DLGAP2: variants seen among roughly 807,000 people sequenced by gnomAD.
The protein encoded by DLGAP2 is disks large-associated protein 2.
In DLGAP2, 26 loss-of-function variants were observed where a neutral mutation model predicts 100.3. That is an observed-to-expected ratio of 0.26 (90% CI 0.19 to 0.36). The LOEUF is 0.36. Among genes scored for constraint, DLGAP2 ranks in the 10% least tolerant of loss-of-function variants. The pLI, the probability that DLGAP2 is intolerant of heterozygous loss-of-function variation, is 1.00. For synonymous variants in DLGAP2, 886 were observed against 630.1 expected (o/e 1.41, Z -6.08); for missense variants, 1,858 against 1,453.2 (o/e 1.28, Z -4.53).
chr8:1,268,700 G>C (rs1426242595), intron 3 of DLGAP2, among the ~76,000 whole-genome samples: 2 of 152,170 alleles, frequency 1.3e-5, no homozygotes, highest in African/African-American at 4.8e-5. Context: ...AGAGTTACAT[G>C]TCTCTGCAGA....
intron 2 of DLGAP2, among the ~76,000 whole-genome samples, chr8:949,180 C>G (rs902211648): frequency 5.3e-5 from 8 of 152,152 alleles, no homozygotes; most frequent in Non-Finnish European, 1.5e-5. Context: ...ACGTGTGGTT[C>G]CTGGAGTAGA....
chr8:1,361,015 G>C (rs113541149), intron 3 of DLGAP2, among the ~76,000 whole-genome samples: 1 of 152,240 alleles, frequency 6.6e-6, no homozygotes, highest in African/African-American at 2.4e-5. Flanking sequence ...TTCATCCTGA[G>C]AAGGGGAAGG....
intron 3 of DLGAP2, among the ~76,000 whole-genome samples, chr8:1,328,783 G>T (rs1801081563): frequency 6.6e-6 from 1 of 152,230 alleles, no homozygotes; most frequent in South Asian, 2.1e-4. Context: ...GGAAATGTCG[G>T]GATGCCGCTT....
chr8:1,419,209 T>A (rs752459697), intron 3 of DLGAP2, among the ~76,000 whole-genome samples: 1 of 23,576 alleles, frequency 4.2e-5, no homozygotes, highest in Non-Finnish European at 2.3e-4. Flanking sequence ...TGCGTGCGTG[T>A]GTGTGTGTGT....
intron 2 of DLGAP2, among the ~76,000 whole-genome samples, chr8:1,179,601 C>A (rs1432176104): frequency 6.6e-6 from 1 of 152,222 alleles, no homozygotes; most frequent in Non-Finnish European, 1.5e-5. Context: ...ATTAACTCTC[C>A]AAGTTGCCTT....
At chr8:1,404,058 C>A (rs1585337883) in intron 3 of DLGAP2, among the ~76,000 whole-genome samples, 1 of 20,680 alleles carries the variant, frequency 4.8e-5, no homozygotes, top group Admixed American at 3.7e-4. Flanking sequence ...TCCTCATCCT[C>A]CTGAGTCGTG....
intron 6 of DLGAP2, among the ~76,000 whole-genome samples, chr8:1,606,034 A>C (rs1432111200): frequency 6.6e-6 from 1 of 152,236 alleles, no homozygotes; most frequent in African/African-American, 2.4e-5. Flanking sequence ...TCAGAGGCGA[A>C]GAATGAAAGT....
At chr8:1,610,404 T>C (rs1796956951) in intron 6 of DLGAP2, among the ~76,000 whole-genome samples, 1 of 149,806 alleles carries the variant, frequency 6.7e-6, no homozygotes, top group Non-Finnish European at 1.5e-5. Context: ...TAGAGGGAAA[T>C]TTATAGCACT....
intron 3 of DLGAP2, among the ~76,000 whole-genome samples, chr8:1,378,529 G>A (rs1774135722): frequency 1.3e-5 from 2 of 151,258 alleles, no homozygotes; most frequent in African/African-American, 4.9e-5. Flanking sequence ...GACCTCACCT[G>A]TCCCTGACAC....
intron 6 of DLGAP2, among the ~76,000 whole-genome samples, chr8:1,592,999 A>ATTTATTT (rs1321341397): frequency 6.0e-4 from 91 of 152,292 alleles, no homozygotes; most frequent in African/African-American, 2.0e-3. Flanking sequence ...GAAGTACTCA[A>ATTTATTT]ATTATTTATT....
chr8:1,070,939 C>G (rs1169160542), intron 2 of DLGAP2, among the ~76,000 whole-genome samples: 1 of 152,214 alleles, frequency 6.6e-6, no homozygotes, highest in African/African-American at 2.4e-5. Flanking sequence ...GGGGAAGCCC[C>G]TGGAAGACTC....
chr8:904,750 C>T (rs556982688), intron 1 of DLGAP2, among the ~76,000 whole-genome samples: 2 of 152,330 alleles, frequency 1.3e-5, no homozygotes, highest in African/African-American at 4.8e-5. Context: ...TTTGTGGCCC[C>T]AGCACCCGTG....
At position 1,702,904 on chromosome 8, in the gene DLGAP2, C is replaced by T. The variant is rs1281652856; in HGVS notation, c.*1498C>T. On this transcript the variant is annotated 3_prime_UTR_variant, in exon 15 of 15. Transcript: ENST00000637795. ...GTCTTCCTTCCCGGCTTAAGGAGTA[C>T]CATGTACTTAGCCACAGGCAGAATA... 1.3e-5 allele frequency: 2 copies of T among 152,660 alleles called. No homozygotes were observed. The highest frequency in any genetic ancestry group is 2.9e-5 in the Non-Finnish European group (2 of 68,050). 9.5% of individuals were successfully genotyped at this position (152,660 alleles called of 1,614,324 possible).
At chr8:1,342,905 C>G (rs776260515) in intron 3 of DLGAP2, among the ~76,000 whole-genome samples, 2 of 152,124 alleles carry the variant, frequency 1.3e-5, no homozygotes, top group African/African-American at 2.4e-5. Flanking sequence ...CCGTCTTTGC[C>G]GTGAGACCAG....
chr8:1,572,186 T>C (rs1802740371), intron 6 of DLGAP2, among the ~76,000 whole-genome samples: 1 of 87,732 alleles, frequency 1.1e-5, no homozygotes, highest in Non-Finnish European at 2.1e-5. Flanking sequence ...TCTGATGAGA[T>C]GGAGAGGAGA....
chr8:1,410,618 A>T lies in DLGAP2; in HGVS notation c.107-90748A>T, dbSNP rs77032134. Reference sequence around the variant, plus strand: ...GAAATACAGTGAAATTATGGCTTAAAACTCCTGGGGGAGCTTGTAAGTATG... The same window carrying T: ...GAAATACAGTGAAATTATGGCTTAATACTCCTGGGGGAGCTTGTAAGTATG... On this transcript the variant is annotated intron_variant, in intron 3 of 14. Coordinates refer to ENST00000637795, the MANE Select transcript of DLGAP2 (RefSeq NM_001346810.2). 3.5e-3 allele frequency among the ~76,000 whole-genome samples: 534 copies of T among 152,312 alleles called. 10 individuals carry two copies. In the East Asian group the frequency reaches 0.047, roughly 13 times the overall value.
At chr8:934,659 G>T (rs1799028613) in intron 2 of DLGAP2, among the ~76,000 whole-genome samples, 1 of 152,068 alleles carries the variant, frequency 6.6e-6, no homozygotes, top group African/African-American at 2.4e-5. Flanking sequence ...GGCACTGGGT[G>T]CAGATGCGGA....
At chr8:1,257,220 C>T (rs965730037) in intron 2 of DLGAP2, among the ~76,000 whole-genome samples, 30 of 152,104 alleles carry the variant, frequency 2.0e-4, no homozygotes, top group Non-Finnish European at 3.4e-4. Context: ...ACCCACAGAG[C>T]CCGACCTGCC....
At chr8:1,462,721 A>G (rs1798495461) in intron 3 of DLGAP2, among the ~76,000 whole-genome samples, 1 of 152,164 alleles carries the variant, frequency 6.6e-6, no homozygotes. Flanking sequence ...CCAGGAATGT[A>G]CCATCTCAGG....
Sources: allele counts gnomAD v4.1 joint callset (sites outside exome capture counted in the v4.1 genomes callset), GRCh38; gene constraint gnomAD v4.1.1; transcripts MANE v1.5; gene names NCBI Gene and HGNC (gene_info 2026-07-23, HGNC 2026-07-21).